The following ZNF592 variants were observed in gnomAD, a reference collection of about 807,000 sequenced individuals.
ZNF592 encodes the protein zinc finger protein 592.
A neutral mutation model predicts 80.3 loss-of-function variants in ZNF592; 11 were observed. That is an observed-to-expected ratio of 0.14 (90% CI 0.09 to 0.23). The LOEUF is 0.23. Among genes scored for constraint, ZNF592 ranks in the 10% least tolerant of loss-of-function variants. The pLI is 1.00. For missense variants in ZNF592, 1,420 were observed against 1,633.9 expected, an observed-to-expected ratio of 0.87 and a Z score of 2.26; for synonymous variants, 646 against 640.3, an observed-to-expected ratio of 1.01 and a Z score of -0.13.
intron 2 of ZNF592, among the ~76,000 whole-genome samples, chr15:84,777,911 A>G (rs748800858): frequency 5.3e-5 from 8 of 151,986 alleles, no homozygotes; most frequent in Non-Finnish European, 8.8e-5. Context: ...CGTGTTAGCC[A>G]GGAGTCTCCA....
At chr15:84,753,228 G>A (rs996432073) in intron 1 of ZNF592, 1 of 152,240 alleles carries the variant, frequency 6.6e-6, no homozygotes, top group Non-Finnish European at 1.5e-5. Context: ...TAATGGAGAA[G>A]GTATGCAGAT....
intron 1 of ZNF592, among the ~76,000 whole-genome samples, chr15:84,749,251 G>A (rs1483084306): frequency 6.6e-6 from 1 of 152,194 alleles, no homozygotes; most frequent in Non-Finnish European, 1.5e-5. Context: ...CAGGCCTGTT[G>A]ATCAGGGTGA....
intron 4 of ZNF592, among the ~76,000 whole-genome samples, chr15:84,788,647 A>G (rs1391806448): frequency 1.3e-5 from 2 of 152,186 alleles, no homozygotes; most frequent in Non-Finnish European, 2.9e-5. Context: ...AAGTATATTC[A>G]CACTGTTGTG....
In ZNF592 at chr15:84,784,925, G is replaced by A. The variant is rs1432854412; in HGVS notation, c.2220+30G>A. 5.0e-6 allele frequency: 8 copies of A among 1,613,564 alleles called. No homozygotes were observed. Among genetic ancestry groups the A allele is most frequent in the East Asian group, 4.5e-5 (2 of 44,870 alleles). On this transcript the variant is annotated intron_variant, in intron 4 of 10. Coordinates refer to ENST00000560079, the MANE Select transcript of ZNF592 (RefSeq NM_014630.3). This position sits in a 1 kb window ranked among gnomAD's most constrained non-coding sequence, Gnocchi z 5.8. Reference sequence around the variant, plus strand: ...GCAGACCCTCACTGTTACGGGTATCGGGCCCCTGGCTCACACAGGTTCCAT... The same window carrying A: ...GCAGACCCTCACTGTTACGGGTATCAGGCCCCTGGCTCACACAGGTTCCAT...
chr15:84,758,317 C>CT (rs141373864), intron 1 of ZNF592, among the ~76,000 whole-genome samples: 7,980 of 152,160 alleles, frequency 0.052, 279 homozygotes, highest in East Asian at 0.11. Flanking sequence ...CCGTCTCGCT[C>CT]TGTTGTCTAG....
chr15:84,789,113 T>C (rs562065498), intron 4 of ZNF592, among the ~76,000 whole-genome samples: 12 of 151,086 alleles, frequency 7.9e-5, no homozygotes, highest in African/African-American at 2.4e-4. Context: ...CAGGTGGTAG[T>C]GGTGCGTGCC....
chr15:84,789,506 C>G (rs1962682538), intron 4 of ZNF592, among the ~76,000 whole-genome samples: 1 of 152,138 alleles, frequency 6.6e-6, no homozygotes, highest in African/African-American at 2.4e-5. Flanking sequence ...TGAGATACCA[C>G]TGTACTATTT....
rs573632073 is a variant in ZNF592, at chr15:84,755,380, C to T, written c.-259+6716C>T. The stretch of plus-strand genomic sequence containing the variant: ...CTCCTGGGCTCAAGCAATCCTCCTG[C>T]CTTAGCCTCTTGAGTAGCTGGGACT... On this transcript the variant is annotated intron_variant, in intron 1 of 10. Transcript: ENST00000560079. 2.0e-4 allele frequency among the ~76,000 whole-genome samples: 30 copies of T among 152,114 alleles called. No individual in the cohort carries two copies. In the East Asian group the frequency reaches 3.5e-3, roughly 18 times the overall value.
At chr15:84,765,968 A>G (rs1048529204) in intron 2 of ZNF592, among the ~76,000 whole-genome samples, 2 of 151,212 alleles carry the variant, frequency 1.3e-5, no homozygotes, top group Non-Finnish European at 2.9e-5. Context: ...ACCTCTGTGT[A>G]CTCACTCAGA....
At chr15:84,795,203 A>T (rs1962862563) in intron 5 of ZNF592, among the ~76,000 whole-genome samples, 1 of 152,120 alleles carries the variant, frequency 6.6e-6, no homozygotes, top group African/African-American at 2.4e-5. Context: ...TGTCATAAGG[A>T]TGCAAGTTTA....
chr15:84,778,914 C>CA (rs1331754447), intron 3 of ZNF592, among the ~76,000 whole-genome samples: 2 of 152,186 alleles, frequency 1.3e-5, no homozygotes, highest in African/African-American at 4.8e-5. Context: ...GCCCATGAAC[C>CA]AAAATGATAC....
At chr15:84,786,714 T>A (rs1218551754) in intron 4 of ZNF592, among the ~76,000 whole-genome samples, 2 of 152,122 alleles carry the variant, frequency 1.3e-5, no homozygotes, top group East Asian at 3.9e-4. Context: ...TCAGTGTTCT[T>A]GCTGCCCCAG....
At chr15:84,787,339 A>G (rs1596126948) in intron 4 of ZNF592, among the ~76,000 whole-genome samples, 1 of 152,182 alleles carries the variant, frequency 6.6e-6, no homozygotes, top group East Asian at 1.9e-4. Context: ...GCCAGCTCCA[A>G]ATCCCTCACA....
chr15:84,773,110 A>G (rs1353895387), intron 2 of ZNF592, among the ~76,000 whole-genome samples: 1 of 151,964 alleles, frequency 6.6e-6, no homozygotes, highest in Non-Finnish European at 1.5e-5. Context: ...CTACATTTAT[A>G]TATTTTTTTA....
intron 1 of ZNF592, among the ~76,000 whole-genome samples, chr15:84,762,674 G>T (rs1265158717): frequency 6.6e-6 from 1 of 152,156 alleles, no homozygotes; most frequent in Non-Finnish European, 1.5e-5. Context: ...AAGGGTAACT[G>T]TGAGTAGGAG....
In ZNF592 at chr15:84,800,732, C is replaced by T. The variant is rs73455555; in HGVS notation, c.3273+755C>T. 9.6e-3 allele frequency among the ~76,000 whole-genome samples: 1,462 copies of T among 152,330 alleles called. 27 individuals carry two copies. Among genetic ancestry groups the T allele is most frequent in the African/African-American group, 0.034 (1,398 of 41,564 alleles). ...GTAAAATGTACATCCTCCCTTCCCCCAAAATGCACATACCCTTTGATCCAG... is the reference window on the plus strand; with the variant it reads ...GTAAAATGTACATCCTCCCTTCCCCTAAAATGCACATACCCTTTGATCCAG... On this transcript the variant is annotated intron_variant, in intron 10 of 10. Coordinates refer to ENST00000560079, the MANE Select transcript of ZNF592 (RefSeq NM_014630.3).
chr15:84,749,885 T>G (rs1162498927), intron 1 of ZNF592, among the ~76,000 whole-genome samples: 1 of 152,266 alleles, frequency 6.6e-6, no homozygotes, highest in African/African-American at 2.4e-5. Flanking sequence ...GTGGCTTTGA[T>G]TCATTAAATA....
Position 84,802,455 on chromosome 15 carries a change from G to A in ZNF592, c.*62G>A, listed in dbSNP as rs150620103. On this transcript the variant is annotated 3_prime_UTR_variant, in exon 11 of 11. Transcript: ENST00000560079. The stretch of plus-strand genomic sequence containing the variant: ...CCGAAGTGTCTTCCACCTGCCCTGC[G>A]GACCGTGGAAAATAAAAGGCTCTGC... The A allele has an allele frequency of 0.012, 18,478 of 1,583,496 alleles. 146 individuals are homozygous for A. Among genetic ancestry groups the A allele is most frequent in the Non-Finnish European group, 0.013 (15,064 of 1,159,784 alleles).
intron 3 of ZNF592, among the ~76,000 whole-genome samples, chr15:84,781,794 C>T (rs918805210): frequency 1.3e-5 from 2 of 152,118 alleles, no homozygotes; most frequent in African/African-American, 4.8e-5. Context: ...TAAGAATTTC[C>T]TAATGGAAGG....
Sources: gnomAD v4.1 joint callset for allele counts (sites outside exome capture counted in the v4.1 genomes callset) on GRCh38, gnomAD v4.1.1 for gene constraint, Gnocchi (gnomAD v3.1) non-coding constraint, MANE v1.5 for transcripts, NCBI Gene and HGNC (gene_info 2026-07-23, HGNC 2026-07-21) for gene names.